Variants in CNBD1 observed in about 807,000 individuals in gnomAD.
CNBD1 encodes the protein cyclic nucleotide binding domain containing 1.
Under a neutral mutation model 54.4 loss-of-function variants are expected in CNBD1, and 71 were observed. The ratio of observed to expected loss-of-function variants is 1.30; its 90% CI spans 1.08 to 1.59. The LOEUF (loss-of-function observed/expected upper bound fraction) is 1.59. Among genes scored for constraint, CNBD1 ranks in the 40% most tolerant of loss-of-function variants. The pLI is 0.00. For synonymous variants in CNBD1, 182 were observed against 170.7 expected (o/e 1.07, Z -0.51); for missense variants, 659 against 518.0 (o/e 1.27, Z -2.64).
intron 4 of CNBD1, among the ~76,000 whole-genome samples, chr8:87,051,064 C>A: frequency 6.6e-6 from 1 of 152,184 alleles, no homozygotes; most frequent in East Asian, 1.9e-4. Flanking sequence ...ATTAGGATGG[C>A]AGCTCACATA....
intron 4 of CNBD1, among the ~76,000 whole-genome samples, chr8:87,128,590 T>C (rs1222744040): frequency 1.3e-5 from 2 of 152,192 alleles, no homozygotes; most frequent in Non-Finnish European, 2.9e-5. Flanking sequence ...TGATGGATAA[T>C]GGATTTGACA....
At chr8:87,032,449 A>G (rs73275704) in intron 4 of CNBD1, among the ~76,000 whole-genome samples, 4,564 of 152,264 alleles carry the variant, frequency 0.03, 237 homozygotes, top group African/African-American at 0.1. Flanking sequence ...CATAGGAAAG[A>G]AAAAATATAT....
intron 2 of CNBD1, among the ~76,000 whole-genome samples, chr8:87,414,915 T>C (rs924564603): frequency 1.5e-4 from 23 of 152,058 alleles, no homozygotes; most frequent in African/African-American, 4.1e-4. Flanking sequence ...TTTCCTTAAA[T>C]GACTTACAGG....
At position 87,262,202 on chromosome 8, in the gene CNBD1, A is replaced by G. The variant is rs1459585320; in HGVS notation, c.772-22476A>G. 2.0e-5 allele frequency among the ~76,000 whole-genome samples: 3 copies of G among 152,148 alleles called. No individual in the cohort carries two copies. The East Asian group carries it at 5.8e-4, about 29-fold the overall frequency. ...AAAAACACAATATAAATAATTGTTG[A>G]ACATTATGTTTTTATTAGATGTCGA... is the stretch of plus-strand genomic sequence containing the variant. On this transcript the variant is annotated intron_variant, in intron 6 of 10. Coordinates refer to ENST00000518476, the MANE Select transcript of CNBD1 (RefSeq NM_173538.3).
chr8:87,127,749 T>C (rs1254350560), intron 4 of CNBD1, among the ~76,000 whole-genome samples: 1 of 152,096 alleles, frequency 6.6e-6, no homozygotes, highest in African/African-American at 2.4e-5. Context: ...AAGCATACAA[T>C]CTTTTATCAT....
chr8:87,033,652 T>C (rs1809843481), intron 4 of CNBD1, among the ~76,000 whole-genome samples: 1 of 152,202 alleles, frequency 6.6e-6, no homozygotes, highest in South Asian at 2.1e-4. Context: ...TTATCTTCCT[T>C]ACTAATAAAT....
At chr8:87,300,783 T>C (rs1377507912) in intron 8 of CNBD1, among the ~76,000 whole-genome samples, 2 of 152,098 alleles carry the variant, frequency 1.3e-5, no homozygotes, top group African/African-American at 2.4e-5. Flanking sequence ...GTTCCACTGA[T>C]TGGAGATCTG....
rs1255146419 is a variant in CNBD1, at chr8:87,322,320, G to T, written c.1043-29365G>T. ...TTATAGTCATTTGGGTATATACCCA[G>T]TAATGGGATGGCTGGGTCAAATGGT... On this transcript the variant is annotated intron_variant, in intron 8 of 10. Coordinates refer to ENST00000518476, the MANE Select transcript of CNBD1 (RefSeq NM_173538.3). Among the ~76,000 whole-genome samples, 5 of 121,454 alleles carry T rather than the reference G, an allele frequency of 4.1e-5. 1 individual carries two copies. The highest frequency in any genetic ancestry group is 7.3e-5 in the Non-Finnish European group (4 of 54,904). The allele number at this position is 121,454 out of a possible 152,430, so 79.7% of individuals were successfully genotyped here. A position where few individuals can be genotyped will look rare whatever the true frequency, so the allele number is the denominator to read the frequency against.
chr8:87,242,425 C>A lies in CNBD1; in HGVS notation c.771+5313C>A, dbSNP rs149246939. ...ATCTGCATAATAAGAACTTTGGTAGCCACAACCCTTTATATTAATGCAGAT... is the reference window on the plus strand; with the variant it reads ...ATCTGCATAATAAGAACTTTGGTAGACACAACCCTTTATATTAATGCAGAT... On this transcript the variant is annotated intron_variant, in intron 6 of 10. Transcript: ENST00000518476. Among the ~76,000 whole-genome samples the A allele has an allele frequency of 2.6e-5, 4 of 152,278 alleles. No individual in the cohort carries two copies. In the East Asian group the frequency reaches 7.7e-4, roughly 29 times the overall value.
intron 3 of CNBD1, among the ~76,000 whole-genome samples, chr8:86,907,209 C>T (rs1809030863): frequency 6.6e-6 from 1 of 152,130 alleles, no homozygotes; most frequent in African/African-American, 2.4e-5. Context: ...GAAACAGGCC[C>T]AGCAGGAGAT....
At chr8:87,116,090 A>C (rs764309633) in intron 4 of CNBD1, among the ~76,000 whole-genome samples, 1 of 149,376 alleles carries the variant, frequency 6.7e-6, no homozygotes, top group Non-Finnish European at 1.5e-5. Flanking sequence ...GCCTCTTTTG[A>C]TGACTTTGTT....
chr8:87,204,654 A>G lies in CNBD1; in HGVS notation c.432-1339A>G, dbSNP rs1813931731. 2.0e-5 allele frequency among the ~76,000 whole-genome samples: 3 copies of G among 152,192 alleles called. 1 individual carries two copies. In the South Asian group the frequency reaches 6.2e-4, roughly 31 times the overall value. ...TCCAGCTACTTTCTATGAAGTAGCA[A>G]GTTTTCTAGGCACTTGATCTGCCTT... On this transcript the variant is annotated intron_variant, in intron 4 of 10. Transcript: ENST00000518476.
chr8:87,164,521 G>A (rs1036159782), intron 4 of CNBD1, among the ~76,000 whole-genome samples: 2 of 151,598 alleles, frequency 1.3e-5, no homozygotes, highest in African/African-American at 4.8e-5. Flanking sequence ...ATCAGTTCTG[G>A]TAGGTTCTAT....
chr8:87,403,583 GA>G (rs1353471057), intron 2 of CNBD1, among the ~76,000 whole-genome samples: 3 of 151,770 alleles, frequency 2.0e-5, no homozygotes, highest in Non-Finnish European at 2.9e-5. Flanking sequence ...TCTCACACTG[GA>G]TTTTCTCATA....
intron 3 of CNBD1, among the ~76,000 whole-genome samples, chr8:86,921,571 A>G (rs1348399327): frequency 6.6e-6 from 1 of 152,182 alleles, no homozygotes; most frequent in Non-Finnish European, 1.5e-5. Flanking sequence ...TGGAAGATCA[A>G]GGGACATCTT....
intron 3 of CNBD1, among the ~76,000 whole-genome samples, chr8:86,908,697 G>A (rs892373917): frequency 3.3e-5 from 5 of 151,616 alleles, no homozygotes; most frequent in Admixed American, 3.3e-4. Context: ...GTACCAGTAT[G>A]TTTAAAGGGG....
At chr8:87,320,301 C>T (rs1809493120) in intron 8 of CNBD1, among the ~76,000 whole-genome samples, 2 of 152,014 alleles carry the variant, frequency 1.3e-5, no homozygotes, top group African/African-American at 4.8e-5. Flanking sequence ...CACTTAATTA[C>T]ATTAAGTGAT....
intron 2 of CNBD1, among the ~76,000 whole-genome samples, chr8:87,420,598 G>A (rs1006619599): frequency 6.6e-6 from 1 of 151,936 alleles, no homozygotes; most frequent in Non-Finnish European, 1.5e-5. Context: ...GGTAGAGAGA[G>A]ACAACCCCAT....
At chr8:87,173,785 G>A (rs1028097125) in intron 4 of CNBD1, among the ~76,000 whole-genome samples, 2 of 150,902 alleles carry the variant, frequency 1.3e-5, no homozygotes, top group Non-Finnish European at 2.9e-5. Flanking sequence ...TCTTGTACAT[G>A]GATATTGATA....
Sources: allele counts gnomAD v4.1 joint callset (sites outside exome capture counted in the v4.1 genomes callset), GRCh38; gene constraint gnomAD v4.1.1; transcripts MANE v1.5; gene names NCBI Gene and HGNC (gene_info 2026-07-23, HGNC 2026-07-21).